Variants in SETBP1 observed in about 807,000 individuals in gnomAD.
SETBP1 encodes SET-binding protein.
Under a neutral mutation model 101.0 loss-of-function variants are expected in SETBP1, and 9 were observed. The ratio of observed to expected loss-of-function variants is 0.09; its 90% CI spans 0.05 to 0.16. The LOEUF is 0.16. Ranked by LOEUF, SETBP1 falls within the 10% of genes least tolerant of loss-of-function variation. The pLI is 1.00. For missense variants in SETBP1, 1,858 were observed against 2,033.8 expected (o/e 0.91, Z 1.66); for synonymous variants, 818 against 788.5 (o/e 1.04, Z -0.63).
chr18:45,009,989 C>T (rs932230610), intron 4 of SETBP1, among the ~76,000 whole-genome samples: 1 of 152,184 alleles, frequency 6.6e-6, no homozygotes, highest in African/African-American at 2.4e-5. Context: ...TGCCTGTTAA[C>T]CACAGTTCCT....
intron 1 of SETBP1, among the ~76,000 whole-genome samples, chr18:44,681,903 G>A (rs2068766246): frequency 6.6e-6 from 1 of 151,592 alleles, no homozygotes; most frequent in Non-Finnish European, 1.5e-5. Flanking sequence ...CAAAAGGGCA[G>A]TTTATTCTGG....
chr18:44,853,668 G>A (rs2072916034), intron 2 of SETBP1, among the ~76,000 whole-genome samples: 1 of 152,192 alleles, frequency 6.6e-6, no homozygotes, highest in African/African-American at 2.4e-5. Context: ...TGAATAAATT[G>A]AGCTGAATAT....
In SETBP1 at chr18:44,723,647, G is replaced by A. The variant is rs141257932; in HGVS notation, c.486+21815G>A. 2.0e-4 allele frequency among the ~76,000 whole-genome samples: 30 copies of A among 152,276 alleles called. No homozygotes were observed. In the East Asian group the frequency reaches 5.2e-3, roughly 26 times the overall value. On this transcript the variant is annotated intron_variant, in intron 2 of 5. Coordinates refer to ENST00000649279, the MANE Select transcript of SETBP1 (RefSeq NM_015559.3). ...GCTTGGCCCATCTTATTACAGTTTG[G>A]CACTTCTCTCTTGAACCTTCCTGAA... is the stretch of plus-strand genomic sequence containing the variant.
chr18:44,864,372 C>T (rs900506348), intron 2 of SETBP1, among the ~76,000 whole-genome samples: 1 of 152,126 alleles, frequency 6.6e-6, no homozygotes, highest in African/African-American at 2.4e-5. Flanking sequence ...ACTCTCACCT[C>T]CTTAGGACCC....
chr18:45,003,638 C>T (rs1447870099), intron 4 of SETBP1, among the ~76,000 whole-genome samples: 7 of 149,938 alleles, frequency 4.7e-5, no homozygotes, highest in Admixed American at 4.7e-4. Flanking sequence ...CAATAAAAGA[C>T]TTCACTTCTC....
chr18:44,943,066 C>T (rs373027410), intron 3 of SETBP1, among the ~76,000 whole-genome samples: 3 of 152,242 alleles, frequency 2.0e-5, no homozygotes, highest in Admixed American at 1.3e-4. Flanking sequence ...TAAAAAGATA[C>T]GTAGTGACAT....
At chr18:44,995,573 GTA>G (rs1555642161) in intron 4 of SETBP1, among the ~76,000 whole-genome samples, 1 of 144,242 alleles carries the variant, frequency 6.9e-6, no homozygotes, top group African/African-American at 2.5e-5. Flanking sequence ...GTGTGTGTGT[GTA>G]TAAAATGTAC....
intron 4 of SETBP1, among the ~76,000 whole-genome samples, chr18:44,961,363 T>C (rs899608672): frequency 3.3e-5 from 5 of 152,212 alleles, no homozygotes; most frequent in Non-Finnish European, 7.3e-5. Context: ...TTAAACATTA[T>C]GTATTTGATG....
chr18:44,834,942 C>T (rs1032267796), intron 2 of SETBP1, among the ~76,000 whole-genome samples: 28 of 152,202 alleles, frequency 1.8e-4, no homozygotes, highest in African/African-American at 6.7e-4. Flanking sequence ...GTTTTCTAAG[C>T]AGAGGAAAGA....
intron 3 of SETBP1, among the ~76,000 whole-genome samples, chr18:44,908,584 G>A (rs1362683664): frequency 6.6e-6 from 1 of 152,144 alleles, no homozygotes; most frequent in Non-Finnish European, 1.5e-5. Flanking sequence ...TCACACTCTT[G>A]ACTGCAATAG....
At chr18:44,761,162 G>A (rs555188480) in intron 2 of SETBP1, among the ~76,000 whole-genome samples, 6 of 151,874 alleles carry the variant, frequency 4.0e-5, no homozygotes, top group Admixed American at 1.3e-4. Flanking sequence ...ATAATTTTAC[G>A]TATTTCTAGG....
chr18:45,014,610 A>C (rs1010568889), intron 4 of SETBP1, among the ~76,000 whole-genome samples: 3 of 152,186 alleles, frequency 2.0e-5, no homozygotes, highest in African/African-American at 7.2e-5. Flanking sequence ...GAGGGAACTC[A>C]ATGTCTGATT....
chr18:45,063,798 C>A lies in SETBP1; in HGVS notation c.*100C>A. ...GAATCCCCCGCTGCAGGGACACCCACGCCCTTCTCTCCAGAAGCCGGGCAG... is the reference window on the plus strand; with the variant it reads ...GAATCCCCCGCTGCAGGGACACCCAAGCCCTTCTCTCCAGAAGCCGGGCAG... On this transcript the variant is annotated 3_prime_UTR_variant, in exon 6 of 6. Transcript: ENST00000649279. 1 of 1,348,628 alleles carries A rather than the reference C, an allele frequency of 7.4e-7. No individual in the cohort carries two copies. Among genetic ancestry groups the A allele is most frequent in the Non-Finnish European group, 1.0e-6 (1 of 984,678 alleles). 83.5% of individuals were successfully genotyped at this position (1,348,628 alleles called of 1,614,324 possible). A position where few individuals can be genotyped will look rare whatever the true frequency, so the allele number is the denominator to read the frequency against.
chr18:45,020,298 G>T (rs2073033150), intron 4 of SETBP1, among the ~76,000 whole-genome samples: 2 of 118,000 alleles, frequency 1.7e-5, no homozygotes, highest in East Asian at 2.4e-4. Flanking sequence ...AAAAAAAAGT[G>T]GCTTCTCCTC....
chr18:45,027,383 A>G (rs2073188445), intron 4 of SETBP1, among the ~76,000 whole-genome samples: 1 of 152,130 alleles, frequency 6.6e-6, no homozygotes, highest in African/African-American at 2.4e-5. Flanking sequence ...AGTTCATCTA[A>G]CTATCATGGG....
chr18:45,061,966 G>C (rs2073897221), intron 5 of SETBP1, among the ~76,000 whole-genome samples: 2 of 152,214 alleles, frequency 1.3e-5, no homozygotes, highest in African/African-American at 4.8e-5. Context: ...AACAGCCAGG[G>C]GGAGTGGCCA....
chr18:44,809,026 C>A (rs895352938), intron 2 of SETBP1, among the ~76,000 whole-genome samples: 6 of 152,154 alleles, frequency 3.9e-5, no homozygotes, highest in Admixed American at 3.9e-4. Context: ...GGCCTGGGTG[C>A]CTTTTCTTTT....
chr18:44,814,753 A>G (rs2071940783), intron 2 of SETBP1, among the ~76,000 whole-genome samples: 1 of 152,270 alleles, frequency 6.6e-6, no homozygotes, highest in Non-Finnish European at 1.5e-5. Flanking sequence ...CAACTTGTGC[A>G]GCTATTCATA....
intron 2 of SETBP1, among the ~76,000 whole-genome samples, chr18:44,806,229 A>C (rs963151057): frequency 6.6e-6 from 1 of 152,188 alleles, no homozygotes. Flanking sequence ...TTATTTTTAA[A>C]AAATCTGTTT....
Sources: gnomAD v4.1 joint callset for allele counts (sites outside exome capture counted in the v4.1 genomes callset) on GRCh38, gnomAD v4.1.1 for gene constraint, MANE v1.5 for transcripts, NCBI Gene and HGNC (gene_info 2026-07-23, HGNC 2026-07-21) for gene names.